The following TLK2 variants were observed in gnomAD, a reference collection of about 807,000 sequenced individuals.
TLK2 encodes serine/threonine-protein kinase tousled-like 2.
Under a neutral mutation model 117.3 loss-of-function variants are expected in TLK2, and 6 were observed. The ratio of observed to expected loss-of-function variants is 0.05; its 90% CI spans 0.03 to 0.10. The LOEUF (loss-of-function observed/expected upper bound fraction) is 0.10. TLK2 is among the 10% of genes least tolerant of loss of function. TLK2 has a pLI of 1.00. For missense variants in TLK2, 299 were observed against 901.2 expected (o/e 0.33, Z 8.56); for synonymous variants, 257 against 316.7 (o/e 0.81, Z 2.00).
intron 17 of TLK2, 61 bp downstream of exon 17, chr17:62,596,735 A>G: frequency 1.4e-6 from 2 of 1,446,526 alleles, no homozygotes; most frequent in Middle Eastern, 1.7e-4. Flanking sequence ...CTGATTGTTC[A>G]TGGAATAGAG....
chr17:62,538,256 C>T (rs1450632174), intron 7 of TLK2, among the ~76,000 whole-genome samples: 2 of 151,666 alleles, frequency 1.3e-5, no homozygotes, highest in Non-Finnish European at 2.9e-5. Context: ...AGGATGGTCT[C>T]GATCTCCTGA....
At chr17:62,568,469 G>A (rs1027336536) in intron 11 of TLK2, among the ~76,000 whole-genome samples, 3 of 151,258 alleles carry the variant, frequency 2.0e-5, no homozygotes, top group African/African-American at 4.9e-5. Flanking sequence ...GATTTGACCT[G>A]TGTACAAAAT....
intron 2 of TLK2, among the ~76,000 whole-genome samples, chr17:62,502,513 A>G (rs890963244): frequency 1.3e-5 from 2 of 152,216 alleles, no homozygotes; most frequent in African/African-American, 4.8e-5. Flanking sequence ...CGCAACCTCT[A>G]TTAAACATGT....
chr17:62,495,752 A>T (rs1025860226), intron 2 of TLK2, among the ~76,000 whole-genome samples: 1 of 150,944 alleles, frequency 6.6e-6, no homozygotes, highest in Non-Finnish European at 1.5e-5. Context: ...TCTGCCTCCC[A>T]GGTTCAAGCG....
At chr17:62,541,138 T>TATATTAGAGA (rs1315202098) in intron 7 of TLK2, among the ~76,000 whole-genome samples, 1 of 152,160 alleles carries the variant, frequency 6.6e-6, no homozygotes, top group Non-Finnish European at 1.5e-5. Flanking sequence ...AGGCCTACCC[T>TATATTAGAGA]GGCCACACTA....
At chr17:62,533,800 T>C (rs1168267245) in intron 6 of TLK2, among the ~76,000 whole-genome samples, 1 of 152,192 alleles carries the variant, frequency 6.6e-6, no homozygotes, top group Non-Finnish European at 1.5e-5. Flanking sequence ...TTTAATGTCA[T>C]GTTTAAAAAG....
intron 21 of TLK2, among the ~76,000 whole-genome samples, chr17:62,609,112 C>G (rs770546963): frequency 8.5e-5 from 13 of 152,150 alleles, no homozygotes; most frequent in Admixed American, 3.3e-4. Flanking sequence ...GACAGAGTCT[C>G]ACTCTGTCAC....
At chr17:62,527,308 G>T (rs1212136889) in intron 6 of TLK2, among the ~76,000 whole-genome samples, 2 of 152,104 alleles carry the variant, frequency 1.3e-5, no homozygotes, top group African/African-American at 2.4e-5. Flanking sequence ...ACACACCCAT[G>T]TACATACATT....
At chr17:62,585,319 G>A (rs2081532475) in intron 15 of TLK2, among the ~76,000 whole-genome samples, 2 of 152,182 alleles carry the variant, frequency 1.3e-5, no homozygotes, top group Admixed American at 6.5e-5. Context: ...GAAGCGGGGC[G>A]GATCGCCTGA....
At chr17:62,532,346 G>A (rs895782946) in intron 6 of TLK2, among the ~76,000 whole-genome samples, 1 of 152,174 alleles carries the variant, frequency 6.6e-6, no homozygotes, top group African/African-American at 2.4e-5. Context: ...ATATATGGCA[G>A]AAGGTTTAAT....
At chr17:62,549,429 A>AAAAAAAAGTAAAAAAAAAGT (rs2078255903) in intron 7 of TLK2, among the ~76,000 whole-genome samples, 1 of 122,788 alleles carries the variant, frequency 8.1e-6, no homozygotes, top group Non-Finnish European at 1.8e-5. Context: ...AAAAAAAAAA[A>AAAAAAAAGTAAAAAAAAAGT]AAAAAAAATA....
At chr17:62,513,347 G>A (rs1466681929) in intron 2 of TLK2, among the ~76,000 whole-genome samples, 1 of 119,540 alleles carries the variant, frequency 8.4e-6, no homozygotes, top group African/African-American at 3.2e-5. Flanking sequence ...TAAAGAGACA[G>A]GTTTTTATTC....
chr17:62,483,630 T>C (rs1400303116), intron 2 of TLK2, among the ~76,000 whole-genome samples: 1 of 151,536 alleles, frequency 6.6e-6, no homozygotes, highest in Non-Finnish European at 1.5e-5. Flanking sequence ...AGCCTATAGA[T>C]AGCTGGGATT....
chr17:62,475,163 G>A (rs959169331), upstream of TLK2, among the ~76,000 whole-genome samples: 10 of 152,122 alleles, frequency 6.6e-5, no homozygotes, highest in African/African-American at 2.2e-4. Context: ...TATCAAGCAC[G>A]GTTACAAGGC....
chr17:62,502,851 G>A, intron 2 of TLK2, among the ~76,000 whole-genome samples: 1 of 152,218 alleles, frequency 6.6e-6, no homozygotes, highest in Non-Finnish European at 1.5e-5. Context: ...TTGTTTCATG[G>A]ATGAAGGCAT....
At chr17:62,473,624 G>C (rs1356184225) in intron 1 of TLK2, among the ~76,000 whole-genome samples, 1 of 152,168 alleles carries the variant, frequency 6.6e-6, no homozygotes, top group Non-Finnish European at 1.5e-5. Context: ...CCAGCAATCT[G>C]CGTTTGAACA....
chr17:62,536,456 G>A (rs2077120352), intron 7 of TLK2, 119 bp downstream of exon 7: 1 of 1,122,334 alleles, frequency 8.9e-7, no homozygotes, highest in Non-Finnish European at 1.2e-6. Flanking sequence ...TTTTTAAAAT[G>A]TGATCTCCCC....
chr17:62,512,671 C>T (rs1022901676), intron 2 of TLK2, among the ~76,000 whole-genome samples: 12 of 151,846 alleles, frequency 7.9e-5, no homozygotes, highest in Non-Finnish European at 1.2e-4. Flanking sequence ...CAGGGTCTTA[C>T]TCTGTACTTT....
At chr17:62,582,294 T>A (rs1389773225) in intron 15 of TLK2, among the ~76,000 whole-genome samples, 1 of 152,316 alleles carries the variant, frequency 6.6e-6, no homozygotes, top group African/African-American at 2.4e-5. Context: ...CTGCCTAAGC[T>A]GGTCTCAAAC....
Sources: allele counts gnomAD v4.1 joint callset (sites outside exome capture counted in the v4.1 genomes callset), GRCh38; gene constraint gnomAD v4.1.1; transcripts MANE v1.5; gene names NCBI Gene and HGNC (gene_info 2026-07-23, HGNC 2026-07-21).